The following PTPRH variants were observed in gnomAD, a reference collection of about 807,000 sequenced individuals.
PTPRH encodes the protein protein tyrosine phosphatase receptor type H.
Under a neutral mutation model 130.2 loss-of-function variants are expected in PTPRH, and 113 were observed. The observed-to-expected ratio is 0.87, with a 90% CI of 0.75 to 1.01. PTPRH has a LOEUF of 1.01. PTPRH is among the 50% of genes least tolerant of loss of function. The pLI, the probability that PTPRH is intolerant of heterozygous loss-of-function variation, is 0.00. For synonymous variants in PTPRH, 556 were observed against 577.9 expected, an observed-to-expected ratio of 0.96 and a Z score of 0.54; for missense variants, 1,430 against 1,425.0, an observed-to-expected ratio of 1.00 and a Z score of -0.06.
rs138767273 is a variant in PTPRH at position 55,203,519 on chromosome 19, G to A, written c.886+263C>T. Among the ~76,000 whole-genome samples, 773 of 151,166 alleles carry A rather than the reference G, an allele frequency of 5.1e-3. 5 individuals carry two copies. Among genetic ancestry groups the A allele is most frequent in the African/African-American group, 0.018 (740 of 41,278 alleles). On this transcript the variant is annotated intron_variant, in intron 5 of 19. Transcript: ENST00000376350. ...CAACCTCTGCCTCCCGGGCTCAAGCGATCCTCTCACCTCAGCCTCCCGAGT... is the reference window on the plus strand; with the variant it reads ...CAACCTCTGCCTCCCGGGCTCAAGCAATCCTCTCACCTCAGCCTCCCGAGT...
At chr19:55,203,035 A>G (rs1014217262) in intron 5 of PTPRH, among the ~76,000 whole-genome samples, 1 of 146,838 alleles carries the variant, frequency 6.8e-6, no homozygotes, top group African/African-American at 2.5e-5. Context: ...CTCTGTCCCA[A>G]AAAAAAAAAA....
chr19:55,193,424 T>C (rs1164727430), intron 10 of PTPRH, among the ~76,000 whole-genome samples: 1 of 152,110 alleles, frequency 6.6e-6, no homozygotes, highest in Non-Finnish European at 1.5e-5. Flanking sequence ...AGTGAGACCC[T>C]GTCTCAAAAA....
intron 14 of PTPRH, among the ~76,000 whole-genome samples, chr19:55,187,270 G>T (rs1269696741): frequency 5.4e-5 from 7 of 129,534 alleles, no homozygotes; most frequent in Non-Finnish European, 8.6e-5. Context: ...GCGTGAACCC[G>T]GGAGGCGGAG....
rs762104358 is a variant in PTPRH at position 55,202,089 on chromosome 19, T to G, written c.1120A>C (p.Asn374His). The change falls in exon 6 of 20, where the codon AAC (asparagine) becomes CAC (histidine). Residue 374 changes from asparagine (N) to histidine (H), a missense_variant. Asn to His is a moderately conservative substitution (Grantham distance 68). Transcript: ENST00000376350. ...GCATTTCGAGTCTCCCGGGAGCTGT[T>G]GATTCCATTCTTCCCCACCCACACG... ...FSVWVGKNGINSSRETRNATT... is the reference protein window; with the variant it reads ...FSVWVGKNGIHSSRETRNATT... 27 of 1,614,066 alleles carry G rather than the reference T, an allele frequency of 1.7e-5. No individual in the cohort carries two copies. Among genetic ancestry groups the G allele is most frequent in the Non-Finnish European group, 2.2e-5 (26 of 1,180,024 alleles).
intron 4 of PTPRH, 120 bp from the exon 5 acceptor site, chr19:55,204,168 G>T: frequency 8.9e-7 from 1 of 1,122,850 alleles, no homozygotes; most frequent in Non-Finnish European, 1.2e-6. Context: ...CATCCAGGCT[G>T]GAGTGCAGTG....
chr19:55,204,061 G>A lies in PTPRH; in HGVS notation c.620-13C>T. On this transcript the variant is annotated splice_polypyrimidine_tract_variant and intron_variant, in intron 4 of 19. Coordinates refer to ENST00000376350, the MANE Select transcript of PTPRH (RefSeq NM_002842.5). The stretch of plus-strand genomic sequence containing the variant: ...ACTGGGTTGTGAGCTGAGAAATTAG[G>A]AAGAAAGATCTAATATGAGCAGGAC... 1 of 1,605,128 alleles carries A rather than the reference G, an allele frequency of 6.2e-7. No individual in the cohort carries two copies. The highest frequency in any genetic ancestry group is 1.1e-5 in the South Asian group (1 of 90,060).
intron 10 of PTPRH, among the ~76,000 whole-genome samples, chr19:55,193,205 G>A (rs1379681391): frequency 6.6e-6 from 1 of 150,838 alleles, no homozygotes; most frequent in Non-Finnish European, 1.5e-5. Flanking sequence ...TCCAGACTGG[G>A]TGATAGAGTG....
At chr19:55,190,545 T>TATATAATATATTATATATATAAC (rs920486104) in intron 12 of PTPRH, among the ~76,000 whole-genome samples, 11 of 135,534 alleles carry the variant, frequency 8.1e-5, no homozygotes, top group South Asian at 2.1e-4. Flanking sequence ...ATATATATAA[T>TATATAATATATTATATATATAAC]ATATAATATA....
At chr19:55,182,835 C>T (rs749064828) in intron 18 of PTPRH, among the ~76,000 whole-genome samples, 5 of 151,932 alleles carry the variant, frequency 3.3e-5, no homozygotes, top group African/African-American at 4.8e-5. Flanking sequence ...CTCTCTGTCA[C>T]GAAGGCTGAA....
chr19:55,184,479 C>T (rs1383485118), intron 18 of PTPRH, among the ~76,000 whole-genome samples: 2 of 151,906 alleles, frequency 1.3e-5, no homozygotes, highest in East Asian at 1.9e-4. Context: ...ATCTGACCTA[C>T]GGGACTTCAG....
At chr19:55,186,797 A>C (rs2365726) in intron 14 of PTPRH, among the ~76,000 whole-genome samples, 64,543 of 151,806 alleles carry the variant, frequency 0.43, 15,269 homozygotes, top group African/African-American at 0.63. Flanking sequence ...GTAATCCCAG[A>C]ACTTTGGGAG....
chr19:55,205,282 C>G, intron 4 of PTPRH, 44 bp downstream of exon 4: 20 of 1,610,604 alleles, frequency 1.2e-5, no homozygotes, highest in Non-Finnish European at 1.7e-5. Context: ...TGCCTACTGC[C>G]CCTTAAACAA....
chr19:55,206,512 C>T (rs552938428), intron 3 of PTPRH, among the ~76,000 whole-genome samples, 177 bp downstream of exon 3: 1 of 151,906 alleles, frequency 6.6e-6, no homozygotes, highest in South Asian at 2.1e-4. Context: ...TAGAGACAGG[C>T]TGACCAGTTT....
rs376374317 is a variant in PTPRH, at chr19:55,185,899, A to C, written c.2864T>G (p.Met955Arg). 2 of 1,614,040 alleles carry C rather than the reference A, an allele frequency of 1.2e-6. No individual in the cohort carries two copies. The highest frequency in any genetic ancestry group is 1.3e-5 in the African/African-American group (1 of 74,916). Residue 955 changes from methionine to arginine, a missense_variant, in exon 17 of 20, where the codon ATG becomes AGG. Coordinates refer to ENST00000376350, the MANE Select transcript of PTPRH (RefSeq NM_002842.5). The stretch of plus-strand genomic sequence containing the variant: ...CAGTTCCCGCACCGTCCAGTTCTCC[A>C]TCACTTCCTCACCTACCAGGGTTAC... ...LRVTLVGEEVMENWTVRELLL... is the reference protein window; with the variant it reads ...LRVTLVGEEVRENWTVRELLL...
Position 55,188,059 on chromosome 19 carries a change from C to T in PTPRH, c.2475+19G>A. The T allele has an allele frequency of 6.2e-7, 1 of 1,600,652 alleles. No individual in the cohort carries two copies. Among genetic ancestry groups the T allele is most frequent in the South Asian group, 1.1e-5 (1 of 90,824 alleles). On this transcript the variant is annotated intron_variant, in intron 13 of 19. Coordinates refer to ENST00000376350, the MANE Select transcript of PTPRH (RefSeq NM_002842.5). ...CCACCGGAGGGAGACTGAGCTCAGCCCCTCTGTCCTCTCCCCACCTGGTAC... is the reference window on the plus strand; with the variant it reads ...CCACCGGAGGGAGACTGAGCTCAGCTCCTCTGTCCTCTCCCCACCTGGTAC...
At chr19:55,193,463 G>T (rs1171459803) in intron 10 of PTPRH, among the ~76,000 whole-genome samples, 1 of 152,040 alleles carries the variant, frequency 6.6e-6, no homozygotes, top group Admixed American at 6.6e-5. Context: ...ACAAAAAAGT[G>T]ATTCTTGCCT....
chr19:55,205,271 C>T (rs2087008127), intron 4 of PTPRH, 55 bp downstream of exon 4: 3 of 1,604,478 alleles, frequency 1.9e-6, no homozygotes, highest in Non-Finnish European at 2.6e-6. Flanking sequence ...CTACGTTCTC[C>T]TGCCTACTGC....
In PTPRH at chr19:55,204,032, C is replaced by T; in HGVS notation, c.636G>A (p.Arg212=). Reference sequence around the variant, plus strand: ...TGGTCTGAGCCTCCACTCTCAGGTTCCTCACTGGGTTGTGAGCTGAGAAAT... The same window carrying T: ...TGGTCTGAGCCTCCACTCTCAGGTTTCTCACTGGGTTGTGAGCTGAGAAAT... ...RNATTAHNPV[R]NLRVEAQTTS... The change falls in exon 5 of 20, where the codon AGG becomes AGA. Residue 212 remains arginine, a synonymous_variant. Transcript: ENST00000376350. 6.2e-7 allele frequency: 1 copy of T among 1,613,600 alleles called. No homozygotes were observed. Among genetic ancestry groups the T allele is most frequent in the South Asian group, 1.1e-5 (1 of 91,038 alleles).
rs141593423 is a variant in PTPRH, at chr19:55,203,821, C to T, written c.847G>A (p.Gly283Arg). The T allele has an allele frequency of 4.4e-5, 71 of 1,613,312 alleles. No homozygotes were observed. The African/African-American group carries it at 6.4e-4, about 15-fold the overall frequency. Residue 283 changes from glycine to arginine, a missense_variant, in exon 5 of 20, where the codon GGA becomes AGA. By Grantham distance (125) the Gly-to-Arg change is moderately radical (BLOSUM62 -2). Coordinates refer to ENST00000376350, the MANE Select transcript of PTPRH (RefSeq NM_002842.5). ...ACAATCTCCACAGAGCTATTTACTC[C>T]GTCTTTCTCCACCCACACAGAACAC... ...YTCSVWVEKD[G>R]VNSSVEIVTS...
Sources: gnomAD v4.1 joint callset for allele counts (sites outside exome capture counted in the v4.1 genomes callset) on GRCh38, gnomAD v4.1.1 for gene constraint, MANE v1.5 for transcripts, NCBI Gene and HGNC (gene_info 2026-07-23, HGNC 2026-07-21) for gene names.